The following UBXN2A variants were observed in gnomAD, a reference collection of about 807,000 sequenced individuals.
The protein encoded by UBXN2A is UBX domain protein 2A, also known as UBX domain-containing protein 2A.
UBXN2A carries 28 observed loss-of-function variants against 28.4 expected under a neutral mutation model. The observed-to-expected ratio is 0.99, with a 90% CI of 0.73 to 1.35. UBXN2A has a LOEUF of 1.35. UBXN2A is among the 40% of genes most tolerant of loss of function. The probability of loss-of-function intolerance (pLI) is 0.00; values close to 1 mark genes in which losing one functional copy is unlikely to be tolerated. For missense variants in UBXN2A, 253 were observed against 297.9 expected (o/e 0.85, Z 1.11); for synonymous variants, 97 against 103.6 (o/e 0.94, Z 0.39).
chr2:23,944,490 AG>A (rs1486303177), intron 1 of UBXN2A: 40 of 636,120 alleles, frequency 6.3e-5, no homozygotes, highest in Non-Finnish European at 1.0e-4. Context: ...CCCTTGGAAC[AG>A]TACAGTACCT....
chr2:23,968,176 T>C (rs1404330970), intron 2 of UBXN2A, among the ~76,000 whole-genome samples: 1 of 152,206 alleles, frequency 6.6e-6, no homozygotes, highest in Non-Finnish European at 1.5e-5. Flanking sequence ...TTCCTAGCAC[T>C]GCCTCCTAGT....
intron 1 of UBXN2A, among the ~76,000 whole-genome samples, chr2:23,949,779 G>A (rs959343090): frequency 1.1e-4 from 17 of 151,622 alleles, no homozygotes; most frequent in Non-Finnish European, 2.4e-4. Flanking sequence ...GGAGGCTGAG[G>A]CAGAAGAATC....
intron 1 of UBXN2A, among the ~76,000 whole-genome samples, chr2:23,945,728 A>C (rs903105196): frequency 6.6e-6 from 1 of 152,046 alleles, no homozygotes; most frequent in Non-Finnish European, 1.5e-5. Flanking sequence ...TTTCTCCTCA[A>C]ATTCCTTTTG....
intron 3 of UBXN2A, 147 bp downstream of exon 3, chr2:23,971,561 C>A (rs1707423606): frequency 7.2e-6 from 6 of 838,946 alleles, no homozygotes; most frequent in Non-Finnish European, 1.0e-5. Context: ...CGATCTTAGC[C>A]CACTGCAACC....
intron 6 of UBXN2A, among the ~76,000 whole-genome samples, chr2:23,992,067 G>A (rs959272151): frequency 2.4e-4 from 37 of 152,266 alleles, no homozygotes; most frequent in African/African-American, 8.7e-4. Flanking sequence ...CGCCTCCCTG[G>A]TTCATGCGAT....
intron 1 of UBXN2A, among the ~76,000 whole-genome samples, chr2:23,955,090 G>A (rs530746016): frequency 1.3e-5 from 2 of 151,886 alleles, no homozygotes; most frequent in African/African-American, 4.8e-5. Flanking sequence ...GCACCGCCAC[G>A]CCCAGCTAAT....
At chr2:23,990,478 T>C (rs1333396013) in intron 6 of UBXN2A, among the ~76,000 whole-genome samples, 6 of 141,972 alleles carry the variant, frequency 4.2e-5, no homozygotes, top group Admixed American at 2.3e-4. Context: ...AATCAAAAAA[T>C]ATTTGCAGCT....
chr2:23,990,418 T>C (rs1708309352), intron 6 of UBXN2A, among the ~76,000 whole-genome samples: 1 of 151,456 alleles, frequency 6.6e-6, no homozygotes, highest in South Asian at 2.1e-4. Context: ...AAACTTGGAC[T>C]GTTACCCATA....
intron 6 of UBXN2A, among the ~76,000 whole-genome samples, chr2:23,989,518 G>A (rs928000025): frequency 2.0e-5 from 3 of 151,404 alleles, no homozygotes; most frequent in African/African-American, 7.3e-5. Context: ...CTCCCAAAGT[G>A]CTAGGATTAC....
chr2:23,994,338 G>A (rs1708454830), intron 6 of UBXN2A, among the ~76,000 whole-genome samples: 2 of 152,080 alleles, frequency 1.3e-5, no homozygotes, highest in South Asian at 4.1e-4. Flanking sequence ...CATAGTTAAG[G>A]TTTTTTGTCA....
At chr2:23,983,072 C>T in intron 5 of UBXN2A, 39 bp downstream of exon 5, 1 of 1,515,014 alleles carries the variant, frequency 6.6e-7, no homozygotes. Flanking sequence ...TAGATCAAGG[C>T]TTAACTAATA....
intron 1 of UBXN2A, among the ~76,000 whole-genome samples, chr2:23,946,723 T>C (rs1158262571): frequency 6.6e-6 from 1 of 152,166 alleles, no homozygotes; most frequent in Non-Finnish European, 1.5e-5. Context: ...CCCAAAGTGC[T>C]GGGATTCAGG....
intron 1 of UBXN2A, among the ~76,000 whole-genome samples, chr2:23,951,245 C>T (rs1706345218): frequency 6.6e-6 from 1 of 151,514 alleles, no homozygotes; most frequent in African/African-American, 2.4e-5. Flanking sequence ...CAAACAGCCC[C>T]ACCAGATTAT....
At chr2:23,949,374 A>G (rs1352842174) in intron 1 of UBXN2A, among the ~76,000 whole-genome samples, 1 of 151,528 alleles carries the variant, frequency 6.6e-6, no homozygotes, top group Non-Finnish European at 1.5e-5. Flanking sequence ...GATGGAGACC[A>G]TCCTGGCTAA....
chr2:23,997,166 C>T (rs1248268015), intron 6 of UBXN2A: 1 of 152,208 alleles, frequency 6.6e-6, no homozygotes, highest in African/African-American at 2.4e-5. Flanking sequence ...AAGTGATCCT[C>T]CTGCTTTGGC....
At chr2:23,958,814 T>C (rs2150835741) in intron 2 of UBXN2A, among the ~76,000 whole-genome samples, 1 of 152,306 alleles carries the variant, frequency 6.6e-6, no homozygotes, top group South Asian at 2.1e-4. Flanking sequence ...TACCTACCTA[T>C]CTGAAAGGTT....
At chr2:23,977,248 A>G (rs886766265) in intron 4 of UBXN2A, 173 bp downstream of exon 4, 1 of 422,672 alleles carries the variant, frequency 2.4e-6, no homozygotes, top group African/African-American at 2.0e-5. Context: ...GATTGCTTGC[A>G]CTTGGGAGAC....
At chr2:23,946,656 A>G (rs1706098148) in intron 1 of UBXN2A, among the ~76,000 whole-genome samples, 2 of 151,892 alleles carry the variant, frequency 1.3e-5, no homozygotes, top group South Asian at 2.1e-4. Context: ...GAGTTTCACC[A>G]TATTGGCCAG....
upstream of UBXN2A, among the ~76,000 whole-genome samples, chr2:23,935,610 A>G (rs969141512): frequency 5.3e-5 from 8 of 152,230 alleles, no homozygotes; most frequent in African/African-American, 1.9e-4. Flanking sequence ...GAAAATAACA[A>G]GTGTTGGGAA....
Sources: allele counts gnomAD v4.1 joint callset (sites outside exome capture counted in the v4.1 genomes callset), GRCh38; gene constraint gnomAD v4.1.1; transcripts MANE v1.5; gene names NCBI Gene and HGNC (gene_info 2026-07-23, HGNC 2026-07-21).